The following ABL2 variants were observed in gnomAD, a reference collection of about 807,000 sequenced individuals.
ABL2 encodes ABL proto-oncogene 2, non-receptor tyrosine kinase, also known as tyrosine-protein kinase ABL2.
In ABL2, 49 loss-of-function variants were observed where a neutral mutation model predicts 107.7. That is an observed-to-expected ratio of 0.45 (90% CI 0.36 to 0.58). The LOEUF is 0.58. Ranked by LOEUF, ABL2 falls within the 20% of genes least tolerant of loss-of-function variation. ABL2 has a pLI of 0.00. For missense variants in ABL2, 1,245 were observed against 1,457.0 expected, an observed-to-expected ratio of 0.85 and a Z score of 2.37; for synonymous variants, 549 against 548.6, an observed-to-expected ratio of 1.00 and a Z score of -0.01.
Position 179,203,669 on chromosome 1 carries a change from G to A in ABL2, c.157+25572C>T, listed in dbSNP as rs146540619. 2.1e-3 allele frequency among the ~76,000 whole-genome samples: 314 copies of A among 152,258 alleles called. 1 individual carries two copies. The highest frequency in any genetic ancestry group is 7.2e-3 in the African/African-American group (301 of 41,546). ...GGCAATAGCTTACAGTTAGGTCTCA[G>A]GTCTCATGTTCCAGCTCTGGCCCCA... On this transcript the variant is annotated intron_variant, in intron 1 of 11. Transcript: ENST00000502732.
intron 1 of ABL2, among the ~76,000 whole-genome samples, chr1:179,148,969 G>A (rs1228082600): frequency 6.6e-6 from 1 of 150,376 alleles, no homozygotes; most frequent in Non-Finnish European, 1.5e-5. Flanking sequence ...GTGTTCAAGT[G>A]AAAGGAAGAG....
chr1:179,122,296 A>AAG (rs1001639242), intron 4 of ABL2, among the ~76,000 whole-genome samples: 7 of 151,486 alleles, frequency 4.6e-5, no homozygotes, highest in Admixed American at 2.0e-4. Context: ...AAAAAAAAAA[A>AAG]AAATATTCTG....
At chr1:179,204,965 T>C (rs1405088473) in intron 1 of ABL2, among the ~76,000 whole-genome samples, 1 of 151,904 alleles carries the variant, frequency 6.6e-6, no homozygotes, top group Non-Finnish European at 1.5e-5. Flanking sequence ...GAGTGCTGCA[T>C]GTAACATAAT....
chr1:179,138,009 TGCAACAGCCCAAGC>T (rs1166236882), intron 1 of ABL2: 1 of 152,298 alleles, frequency 6.6e-6, no homozygotes, highest in East Asian at 1.9e-4. Flanking sequence ...CTGCTGCATC[TGCAACAGCCCAAGC>T]TCTCAGGATG....
rs551352710 is a variant in ABL2 at position 179,221,877 on chromosome 1, G to A, written c.157+7364C>T. On this transcript the variant is annotated intron_variant, in intron 1 of 11. Transcript: ENST00000502732. The stretch of plus-strand genomic sequence containing the variant: ...ACTGCAGTGGGTTGGGTTATACAAT[G>A]CCCAAAGATTTGGTGCCAAGGATCC... The A allele has an allele frequency of 8.2e-4, 191 of 232,612 alleles. 2 individuals are homozygous for A. The highest frequency in any genetic ancestry group is 1.6e-3 in the Non-Finnish European group (171 of 104,306). The allele number at this position is 232,612 out of a possible 1,614,324, so 14.4% of individuals were successfully genotyped here. A position where few individuals can be genotyped will look rare whatever the true frequency, so the allele number is the denominator to read the frequency against.
rs922057079 is a variant in ABL2, at chr1:179,131,579, A to C, written c.221-98T>G. ...ACACAGTATTTCAGCTGCTGGCTCC[A>C]GAGTAGGAAAGAACTGTACAGTATA... On this transcript the variant is annotated intron_variant, in intron 2 of 11. Coordinates refer to ENST00000502732, the MANE Select transcript of ABL2 (RefSeq NM_007314.4). The C allele has an allele frequency of 5.7e-6, 7 of 1,227,732 alleles. No individual in the cohort carries two copies. In the African/African-American group the frequency reaches 1.0e-4, roughly 18 times the overall value. 76.1% of individuals were successfully genotyped at this position (1,227,732 alleles called of 1,614,324 possible).
intron 1 of ABL2, among the ~76,000 whole-genome samples, chr1:179,176,158 T>A (rs1337047840): frequency 5.9e-5 from 9 of 151,892 alleles, no homozygotes. Flanking sequence ...CCTGGCCAAG[T>A]AGACACATTC....
At chr1:179,214,550 ATG>A (rs1334666538) in intron 1 of ABL2, among the ~76,000 whole-genome samples, 2 of 140,194 alleles carry the variant, frequency 1.4e-5, no homozygotes, top group Non-Finnish European at 1.5e-5. Flanking sequence ...ATATATATAT[ATG>A]AGAATATATG....
intron 1 of ABL2, among the ~76,000 whole-genome samples, chr1:179,134,942 C>T (rs531318110): frequency 1.3e-5 from 2 of 152,346 alleles, no homozygotes; most frequent in East Asian, 3.9e-4. Flanking sequence ...GTGTTGGCCG[C>T]GCTGGTCTCC....
At chr1:179,149,842 G>A (rs1449405076) in intron 1 of ABL2, among the ~76,000 whole-genome samples, 1 of 152,124 alleles carries the variant, frequency 6.6e-6, no homozygotes, top group Non-Finnish European at 1.5e-5. Flanking sequence ...TTGGTCACTT[G>A]GTACATTTAA....
At position 179,108,326 on chromosome 1, in the gene ABL2, T is replaced by C. The variant is rs371922902; in HGVS notation, c.2941A>G (p.Lys981Glu). The C allele has an allele frequency of 1.2e-6, 2 of 1,614,210 alleles. No individual in the cohort carries two copies. The highest frequency in any genetic ancestry group is 1.7e-6 in the Non-Finnish European group (2 of 1,180,038). Residue 981 changes from lysine to glutamate, a missense_variant, in exon 12 of 12, where the codon AAG becomes GAG. Around this residue, in one of 3 missense-constraint regions of ABL2, gnomAD observed 761 missense variants for 766.4 expected, o/e 0.99. Transcript: ENST00000502732. ...DKDRPRRVKP[K>E]CAPPPPPVMR... ...ACTGGTGGTGGGGGTGGGGCACACT[T>C]TGGTTTTACCCGTCGGGGTCGGTCC...
chr1:179,120,945 C>T (rs533135211), intron 5 of ABL2, among the ~76,000 whole-genome samples: 2 of 152,272 alleles, frequency 1.3e-5, no homozygotes, highest in South Asian at 2.1e-4. Context: ...TTGCTTAGAT[C>T]ATAATCTTCT....
At position 179,101,602 on chromosome 1, in the gene ABL2, C is replaced by T. The variant is rs1653097623; in HGVS notation, c.*6116G>A. 5.7e-6 allele frequency: 1 copy of T among 174,226 alleles called. No homozygotes were observed. 10.8% of individuals were successfully genotyped at this position (174,226 alleles called of 1,614,324 possible). A position where few individuals can be genotyped will look rare whatever the true frequency, so the allele number is the denominator to read the frequency against. On this transcript the variant is annotated 3_prime_UTR_variant, in exon 12 of 12. Coordinates refer to ENST00000502732, the MANE Select transcript of ABL2 (RefSeq NM_007314.4). ...GCCAGGCTGGTCTCAAACTCCTGAC[C>T]TCAAGTGATCCGCCCATCTTGGTCT...
chr1:179,176,007 C>G (rs182374143), intron 1 of ABL2, among the ~76,000 whole-genome samples: 2 of 152,132 alleles, frequency 1.3e-5, no homozygotes, highest in East Asian at 3.9e-4. Flanking sequence ...AGGTGTGTGC[C>G]ACCACGCCCG....
At chr1:179,133,064 G>A (rs574747749) in intron 2 of ABL2, among the ~76,000 whole-genome samples, 1 of 151,486 alleles carries the variant, frequency 6.6e-6, no homozygotes, top group South Asian at 2.1e-4. Flanking sequence ...TCACCATGTT[G>A]GCCAGGCTGG....
At chr1:179,207,335 GACA>G (rs1266275291) in intron 1 of ABL2, among the ~76,000 whole-genome samples, 2 of 152,040 alleles carry the variant, frequency 1.3e-5, no homozygotes, top group African/African-American at 4.8e-5. Flanking sequence ...GCATTAAAAC[GACA>G]ACTATACATT....
At chr1:179,135,369 A>G (rs1166999743) in intron 1 of ABL2, among the ~76,000 whole-genome samples, 1 of 141,622 alleles carries the variant, frequency 7.1e-6, no homozygotes, top group Non-Finnish European at 1.5e-5. Flanking sequence ...TGTGGGGAGC[A>G]CCTCTGCCCT....
intron 1 of ABL2, among the ~76,000 whole-genome samples, chr1:179,225,597 A>G (rs1663144595): frequency 6.6e-6 from 1 of 152,178 alleles, no homozygotes; most frequent in Non-Finnish European, 1.5e-5. Flanking sequence ...GTCTGGAGGC[A>G]TTTTTATAAC....
intron 8 of ABL2, among the ~76,000 whole-genome samples, chr1:179,116,532 CAG>C (rs1462233301): frequency 1.4e-5 from 2 of 145,786 alleles, no homozygotes; most frequent in Non-Finnish European, 3.0e-5. Context: ...TTGTTTGAGA[CAG>C]AGTTTTGTTC....
Sources: gnomAD v4.1 joint callset for allele counts (sites outside exome capture counted in the v4.1 genomes callset) on GRCh38, gnomAD v4.1.1 for gene constraint, gnomAD v4.1.1 regional missense constraint, MANE v1.5 for transcripts, NCBI Gene and HGNC (gene_info 2026-07-23, HGNC 2026-07-21) for gene names.